The following KIF15 variants were observed in gnomAD, a reference collection of about 807,000 sequenced individuals.
KIF15 encodes the protein kinesin-like protein KIF15.
In KIF15, 140 loss-of-function variants were observed where a neutral mutation model predicts 190.6. That is an observed-to-expected ratio of 0.73 (90% confidence interval 0.64 to 0.84). The LOEUF (loss-of-function observed/expected upper bound fraction) is 0.84, where lower values mean the gene tolerates loss of function less well. Among genes scored for constraint, KIF15 ranks in the 40% least tolerant of loss-of-function variants. The pLI is 0.00. For missense variants in KIF15, 1,372 were observed against 1,584.4 expected, an observed-to-expected ratio of 0.87 and a Z score of 2.28; for synonymous variants, 528 against 551.3, an observed-to-expected ratio of 0.96 and a Z score of 0.59.
chr3:44,803,772 A>G (rs1285215398), intron 14 of KIF15, among the ~76,000 whole-genome samples: 3 of 152,220 alleles, frequency 2.0e-5, no homozygotes, highest in East Asian at 1.9e-4. Context: ...CCATTCTGTT[A>G]TGACTGAATA....
intron 16 of KIF15, among the ~76,000 whole-genome samples, chr3:44,810,227 G>A (rs1412385255): frequency 1.3e-5 from 2 of 151,870 alleles, no homozygotes; most frequent in African/African-American, 4.8e-5. Flanking sequence ...ATATCAGATG[G>A]GGAAGTCTTC....
chr3:44,802,848 T>C lies in KIF15; in HGVS notation c.1544T>C (p.Met515Thr). The C allele has an allele frequency of 1.9e-6, 3 of 1,597,826 alleles. No homozygotes were observed. The highest frequency in any genetic ancestry group is 2.6e-6 in the Non-Finnish European group (3 of 1,175,766). Residue 515 changes from methionine (M) to threonine (T), a missense_variant, in exon 14 of 35, where the codon ATG becomes ACG. Transcript: ENST00000326047. ...CACCCCAGAGTTGCAAAGTATGCTA[T>C]GGAAAATCATTCCCTCAGGGAGGAG... Reference protein sequence around the residue: ...EHHPRVAKYAMENHSLREENR... With the variant: ...EHHPRVAKYATENHSLREENR...
rs777018297 is a variant in KIF15, at chr3:44,861,928, G to A, written c.*59+9134G>A. The A allele has an allele frequency of 1.1e-5, 16 of 1,444,230 alleles. No homozygotes were observed. Among genetic ancestry groups the A allele is most frequent in the Middle Eastern group, 1.9e-4 (1 of 5,390 alleles). 89.5% of individuals were successfully genotyped at this position (1,444,230 alleles called of 1,614,324 possible). On this transcript the variant is annotated intron_variant and NMD_transcript_variant, in intron 6 of 6. Transcript: ENST00000422209. The stretch of plus-strand genomic sequence containing the variant: ...AGGCACGGTGTCAGCAGGCAACATG[G>A]CCGAGAGGCCGGGGCCTCCGGGCGG...
intron 27 of KIF15, 95 bp from the exon 28 acceptor site, chr3:44,840,260 C>G (rs1180015758): frequency 4.4e-6 from 3 of 676,658 alleles, no homozygotes; most frequent in Admixed American, 3.3e-5. Context: ...ATTTGCATTT[C>G]CCTGATGATT....
rs146195393 is a variant in KIF15 at position 44,838,354 on chromosome 3, G to A, written c.3251G>A (p.Gly1084Glu). ...MLTEASKKHS[G>E]LLQSAQEELT... is the part of the protein sequence containing the mutation. ...ACAGAGGCCTCAAAAAAACACTCGGGGCTGCTGCAGTCTGCCCAGGAAGAA... is the reference window on the plus strand; with the variant it reads ...ACAGAGGCCTCAAAAAAACACTCGGAGCTGCTGCAGTCTGCCCAGGAAGAA... Residue 1084 changes from glycine to glutamate, a missense_variant, in exon 27 of 35, where the codon GGG (glycine) becomes GAG (glutamate). Coordinates refer to ENST00000326047, the MANE Select transcript of KIF15 (RefSeq NM_020242.3). 121 of 1,614,012 alleles carry A rather than the reference G, an allele frequency of 7.5e-5. No individual in the cohort carries two copies. The African/African-American group carries it at 1.4e-3, about 19-fold the overall frequency.
At chr3:44,775,204 G>A in intron 2 of KIF15, 50 bp from the exon 3 acceptor site, 1 of 1,477,134 alleles carries the variant, frequency 6.8e-7, no homozygotes, top group Non-Finnish European at 9.3e-7. Context: ...TCCTTTTTCA[G>A]TTTTCTTCTT....
intron 1 of KIF15, among the ~76,000 whole-genome samples, chr3:44,765,252 A>G (rs1200140015): frequency 6.6e-6 from 1 of 152,262 alleles, no homozygotes; most frequent in Non-Finnish European, 1.5e-5. Flanking sequence ...AAAGTTGCAC[A>G]TAAGTGCAGA....
intron 20 of KIF15, among the ~76,000 whole-genome samples, chr3:44,817,419 A>G (rs1272752265): frequency 2.0e-5 from 3 of 152,170 alleles, no homozygotes; most frequent in Admixed American, 6.5e-5. Context: ...ATTTTTGTAT[A>G]AAGTGTAAGG....
At chr3:44,790,695 C>CTTTTTTTTTT (rs56414094) in intron 7 of KIF15, among the ~76,000 whole-genome samples, 3 of 97,936 alleles carry the variant, frequency 3.1e-5, no homozygotes, top group African/African-American at 4.1e-5. Context: ...TTTTCTGTTT[C>CTTTTTTTTTT]TTTTTTTTTT....
intron 24 of KIF15, among the ~76,000 whole-genome samples, chr3:44,829,717 ATATT>A (rs1282940679): frequency 1.5e-5 from 2 of 136,814 alleles, no homozygotes; most frequent in Non-Finnish European, 3.1e-5. Flanking sequence ...AGATGTATAT[ATATT>A]ATAGATGTAT....
chr3:44,802,725 A>G (rs1185234418), intron 13 of KIF15, 89 bp from the exon 14 acceptor site: 1 of 1,307,146 alleles, frequency 7.7e-7, no homozygotes, highest in Non-Finnish European at 1.0e-6. Context: ...GCATGTGCAT[A>G]CCTAGTTTTC....
At chr3:44,805,616 G>T (rs969495495) in intron 15 of KIF15, among the ~76,000 whole-genome samples, 1 of 152,134 alleles carries the variant, frequency 6.6e-6, no homozygotes, top group Non-Finnish European at 1.5e-5. Flanking sequence ...TGGACTATTT[G>T]TTTGGGCTTT....
chr3:44,807,107 A>T (rs2125648603), intron 16 of KIF15, among the ~76,000 whole-genome samples: 1 of 152,370 alleles, frequency 6.6e-6, no homozygotes, highest in Non-Finnish European at 1.5e-5. Context: ...TATGTCTTAG[A>T]ATATAAATAG....
chr3:44,803,165 C>T (rs1186538503), intron 14 of KIF15, among the ~76,000 whole-genome samples, 174 bp downstream of exon 14: 2 of 152,072 alleles, frequency 1.3e-5, no homozygotes, highest in Non-Finnish European at 2.9e-5. Flanking sequence ...TTCTTTTTCT[C>T]AAAAATCACA....
intron 6 of KIF15, chr3:44,865,393 T>G (rs1699310334): frequency 1.7e-6 from 1 of 597,678 alleles, no homozygotes; most frequent in Non-Finnish European, 2.8e-6. Context: ...ATCTGTACAG[T>G]GCTTTGGATT....
At chr3:44,816,849 C>G (rs1460551834) in intron 20 of KIF15, among the ~76,000 whole-genome samples, 2 of 152,206 alleles carry the variant, frequency 1.3e-5, no homozygotes, top group African/African-American at 4.8e-5. Flanking sequence ...AATTTACGCT[C>G]TCACCAACAG....
At chr3:44,803,073 C>G (rs1707351529) in intron 14 of KIF15, 82 bp downstream of exon 14, 1 of 1,276,144 alleles carries the variant, frequency 7.8e-7, no homozygotes, top group East Asian at 2.5e-5. Flanking sequence ...TGACTAGGGT[C>G]TTCATTTTAG....
chr3:44,841,126 CACAAGA>C lies in KIF15; in HGVS notation c.3480_3485del (p.Gln1161_Glu1162del). On this transcript the variant is annotated inframe_deletion, in exon 29 of 35. Transcript: ENST00000326047. ...ACACATTTGGCAAAACTCCTGGAAA[CACAAGA>C]ACAAGAGATAGAAGATGGAAGAGCC... 6.2e-7 allele frequency: 1 copy of C among 1,613,640 alleles called. No homozygotes were observed. Among genetic ancestry groups the C allele is most frequent in the Non-Finnish European group, 8.5e-7 (1 of 1,179,664 alleles).
At position 44,810,930 on chromosome 3, in the gene KIF15, C is replaced by G. The variant is rs1707755025; in HGVS notation, c.2056C>G (p.Leu686Val). The G allele has an allele frequency of 6.2e-7, 1 of 1,613,820 alleles. No individual in the cohort carries two copies. The highest frequency in any genetic ancestry group is 1.1e-5 in the South Asian group (1 of 91,044). The change falls in exon 17 of 35, where the codon CTA becomes GTA. Residue 686 changes from leucine to valine, a missense_variant. Physicochemically the swap from Leu to Val is conservative, Grantham distance 32. Transcript: ENST00000326047. ...CCCTGAAATGGGAAGCTTTGGCTCT[C>G]TATACACTCAGAATTCTAGCATATT... ...LSPEMGSFGS[L>V]YTQNSSILDN...
Sources: allele counts gnomAD v4.1 joint callset (sites outside exome capture counted in the v4.1 genomes callset), GRCh38; gene constraint gnomAD v4.1.1; transcripts MANE v1.5; gene names NCBI Gene and HGNC (gene_info 2026-07-23, HGNC 2026-07-21).